Variants in OSBPL10 observed in about 807,000 individuals in gnomAD.
OSBPL10 encodes the protein oxysterol binding protein like 10.
In OSBPL10, 49 loss-of-function variants were observed where a neutral mutation model predicts 81.7. That is an observed-to-expected ratio of 0.60 (90% CI 0.48 to 0.76). OSBPL10 has a LOEUF of 0.76. Among genes scored for constraint, OSBPL10 ranks in the 30% least tolerant of loss-of-function variants. The probability of loss-of-function intolerance (pLI) is 0.00; values close to 1 mark genes in which losing one functional copy is unlikely to be tolerated. For synonymous variants in OSBPL10, 419 were observed against 383.6 expected (o/e 1.09, Z -1.08); for missense variants, 923 against 987.8 (o/e 0.93, Z 0.88).
chr3:31,676,214 A>ATG (rs1292011203), intron 8 of OSBPL10, among the ~76,000 whole-genome samples: 1 of 152,016 alleles, frequency 6.6e-6, no homozygotes, highest in Non-Finnish European at 1.5e-5. Flanking sequence ...AAATCCATAA[A>ATG]TGTGTGTTCA....
chr3:31,946,803 A>T (rs571040600), intron 1 of OSBPL10, among the ~76,000 whole-genome samples: 1 of 152,330 alleles, frequency 6.6e-6, no homozygotes, highest in African/African-American at 2.4e-5. Flanking sequence ...AAGAGTTTTT[A>T]GTGTTGCATG....
At chr3:31,996,399 A>C (rs1190192798) in intron 2 of OSBPL10, among the ~76,000 whole-genome samples, 1 of 152,178 alleles carries the variant, frequency 6.6e-6, no homozygotes, top group Non-Finnish European at 1.5e-5. Flanking sequence ...GGGTTGTTTC[A>C]CTTTGAGTGT....
intron 3 of OSBPL10, among the ~76,000 whole-genome samples, chr3:31,836,554 C>G (rs906678782): frequency 6.9e-6 from 1 of 145,100 alleles, no homozygotes; most frequent in African/African-American, 2.5e-5. Flanking sequence ...CTCTACCCCC[C>G]TGCCAATAAA....
At chr3:32,015,337 A>C (rs1343893256) in intron 2 of OSBPL10, among the ~76,000 whole-genome samples, 1 of 152,206 alleles carries the variant, frequency 6.6e-6, no homozygotes, top group Non-Finnish European at 1.5e-5. Context: ...CAATAATAAG[A>C]AATGGGGAAA....
chr3:31,720,246 C>T (rs1329696273), intron 6 of OSBPL10, among the ~76,000 whole-genome samples: 1 of 152,040 alleles, frequency 6.6e-6, no homozygotes, highest in Non-Finnish European at 1.5e-5. Flanking sequence ...ATTTTAAAAA[C>T]CCTCCTCCTA....
chr3:31,897,625 A>G (rs1183775688), intron 1 of OSBPL10, among the ~76,000 whole-genome samples: 1 of 152,212 alleles, frequency 6.6e-6, no homozygotes, highest in Non-Finnish European at 1.5e-5. Context: ...AGAAAAATCT[A>G]AAAGCTACCA....
In OSBPL10 at chr3:31,703,070, T is replaced by C. The variant is rs549406317; in HGVS notation, c.1096-562A>G. Among the ~76,000 whole-genome samples, 5 of 152,306 alleles carry C rather than the reference T, an allele frequency of 3.3e-5. No homozygotes were observed. In the South Asian group the frequency reaches 1.0e-3, roughly 32 times the overall value. On this transcript the variant is annotated intron_variant, in intron 6 of 11. Coordinates refer to ENST00000396556, the MANE Select transcript of OSBPL10 (RefSeq NM_017784.5). ...GGGAGGAAGACAACAAATGAAAATTTAAGGCAAAACTGAAACTTTATGATA... is the reference window on the plus strand; with the variant it reads ...GGGAGGAAGACAACAAATGAAAATTCAAGGCAAAACTGAAACTTTATGATA...
intron 4 of OSBPL10, among the ~76,000 whole-genome samples, chr3:31,789,304 G>A (rs774670260): frequency 1.3e-5 from 2 of 152,002 alleles, no homozygotes; most frequent in African/African-American, 2.4e-5. Flanking sequence ...AACTCTTCAC[G>A]CACAGATTCA....
At chr3:31,795,699 G>A (rs1559468793) in intron 4 of OSBPL10, 1 of 211,616 alleles carries the variant, frequency 4.7e-6, no homozygotes, top group Non-Finnish European at 1.1e-5. Context: ...GGAAATGAGG[G>A]AAATCTTTTA....
chr3:32,032,855 A>G (rs1044852616), intron 2 of OSBPL10, among the ~76,000 whole-genome samples: 1 of 152,190 alleles, frequency 6.6e-6, no homozygotes, highest in East Asian at 1.9e-4. Flanking sequence ...TTACTCTCAA[A>G]TGAACTCTCC....
At chr3:31,663,859 G>C in intron 11 of OSBPL10, 1 of 1,429,962 alleles carries the variant, frequency 7.0e-7, no homozygotes, top group Non-Finnish European at 9.1e-7. Flanking sequence ...GGAAGTGTCA[G>C]TTGCTCAGTT....
intron 6 of OSBPL10, chr3:31,718,345 T>C (rs1176502438): frequency 6.6e-6 from 1 of 152,198 alleles, no homozygotes; most frequent in Non-Finnish European, 1.5e-5. Context: ...GCCAGGATGG[T>C]CTCGCTCTCC....
At chr3:31,902,482 T>G (rs1220744043) in intron 1 of OSBPL10, among the ~76,000 whole-genome samples, 1 of 151,974 alleles carries the variant, frequency 6.6e-6, no homozygotes, top group Non-Finnish European at 1.5e-5. Flanking sequence ...AGGCTGGTCT[T>G]GAACTCCTGA....
intron 1 of OSBPL10, among the ~76,000 whole-genome samples, chr3:31,973,344 G>C (rs1483022991): frequency 6.6e-6 from 1 of 152,112 alleles, no homozygotes; most frequent in Non-Finnish European, 1.5e-5. Flanking sequence ...CCAAGGCTGG[G>C]GCTTAAGTGA....
chr3:31,797,747 C>T (rs1424531659), intron 4 of OSBPL10: 1 of 454,812 alleles, frequency 2.2e-6, no homozygotes, highest in Non-Finnish European at 4.4e-6. Flanking sequence ...GTCCACAATA[C>T]AATGTACCAG....
At chr3:32,034,964 A>C (rs1167030973) in intron 2 of OSBPL10, among the ~76,000 whole-genome samples, 1 of 152,248 alleles carries the variant, frequency 6.6e-6, no homozygotes, top group Non-Finnish European at 1.5e-5. Flanking sequence ...TCACAGAGTG[A>C]TAATTCTAGT....
intron 4 of OSBPL10, among the ~76,000 whole-genome samples, chr3:31,800,814 T>C (rs1262392303): frequency 6.6e-6 from 1 of 152,232 alleles, no homozygotes; most frequent in East Asian, 1.9e-4. Context: ...TATATAAGTC[T>C]ATCAGAAGAA....
intron 1 of OSBPL10, among the ~76,000 whole-genome samples, chr3:31,898,024 A>G (rs1287968399): frequency 5.1e-5 from 6 of 117,022 alleles, no homozygotes; most frequent in African/African-American, 1.8e-4. Flanking sequence ...AAAAAAAAAA[A>G]AAAAAAAAAA....
chr3:31,779,204 A>G (rs1244838111), intron 4 of OSBPL10, among the ~76,000 whole-genome samples: 4 of 152,214 alleles, frequency 2.6e-5, no homozygotes, highest in Non-Finnish European at 5.9e-5. Flanking sequence ...TGAATAAAAC[A>G]ATATCTCACA....
Sources: allele counts gnomAD v4.1 joint callset (sites outside exome capture counted in the v4.1 genomes callset), GRCh38; gene constraint gnomAD v4.1.1; transcripts MANE v1.5; gene names NCBI Gene and HGNC (gene_info 2026-07-23, HGNC 2026-07-21).